Variants in UTRN observed in about 807,000 individuals in gnomAD.
The protein encoded by UTRN is utrophin.
In UTRN, 283 loss-of-function variants were observed where a neutral mutation model predicts 463.9. The observed-to-expected ratio is 0.61, with a 90% CI of 0.55 to 0.67. The LOEUF is 0.67. Ranked by LOEUF, UTRN falls within the 30% of genes least tolerant of loss-of-function variation. The pLI, the probability that UTRN is intolerant of heterozygous loss-of-function variation, is 0.00. For missense variants in UTRN, 3,922 were observed against 4,084.3 expected, an observed-to-expected ratio of 0.96 and a Z score of 1.08; for synonymous variants, 1,442 against 1,431.5, an observed-to-expected ratio of 1.01 and a Z score of -0.17.
chr6:144,565,326 T>C (rs1800305763), intron 50 of UTRN, among the ~76,000 whole-genome samples: 1 of 152,126 alleles, frequency 6.6e-6, no homozygotes. Context: ...AGTATATAGG[T>C]TAAATAGGCA....
chr6:144,527,233 CTA>C (rs1181676033), intron 41 of UTRN, among the ~76,000 whole-genome samples: 2 of 152,172 alleles, frequency 1.3e-5, no homozygotes, highest in Non-Finnish European at 2.9e-5. Context: ...TTGAAAAAGA[CTA>C]TCTTTCCTTC....
chr6:144,623,660 C>T (rs1454408638), intron 51 of UTRN, among the ~76,000 whole-genome samples: 2 of 152,158 alleles, frequency 1.3e-5, no homozygotes, highest in Admixed American at 6.5e-5. Flanking sequence ...TTGCAAGTTA[C>T]AGAGATAGAA....
intron 2 of UTRN, among the ~76,000 whole-genome samples, chr6:144,340,167 C>T (rs987671800): frequency 2.0e-5 from 3 of 152,126 alleles, no homozygotes; most frequent in African/African-American, 7.2e-5. Context: ...ACTGCGACTG[C>T]GTCTCAAGAG....
chr6:144,811,612 T>G (rs938673461), intron 65 of UTRN, among the ~76,000 whole-genome samples: 1 of 152,168 alleles, frequency 6.6e-6, no homozygotes, highest in African/African-American at 2.4e-5. Flanking sequence ...TATATTTTCA[T>G]TAGGGCTTGA....
At chr6:144,330,971 A>C (rs1314752573) in intron 2 of UTRN, 2 of 985,314 alleles carry the variant, frequency 2.0e-6, no homozygotes, top group Non-Finnish European at 2.4e-6. Flanking sequence ...CGAGAAATGG[A>C]AGTGAGATCT....
intron 53 of UTRN, among the ~76,000 whole-genome samples, chr6:144,724,708 C>G (rs1244725099): frequency 1.3e-5 from 2 of 152,110 alleles, no homozygotes; most frequent in African/African-American, 2.4e-5. Flanking sequence ...TCATGTCTAG[C>G]TTCTTTCAAT....
intron 53 of UTRN, chr6:144,706,603 T>G (rs749799042): frequency 6.6e-6 from 1 of 152,194 alleles, no homozygotes; most frequent in Non-Finnish European, 1.5e-5. Flanking sequence ...GTATTCTCAT[T>G]ATAATATTCC....
chr6:144,663,937 A>T (rs1475987242), intron 51 of UTRN, among the ~76,000 whole-genome samples: 2 of 152,328 alleles, frequency 1.3e-5, no homozygotes, highest in East Asian at 3.9e-4. Context: ...CCTACTTAGC[A>T]AATATTTGTG....
At chr6:144,656,423 TG>T (rs1454600268) in intron 51 of UTRN, among the ~76,000 whole-genome samples, 1 of 152,228 alleles carries the variant, frequency 6.6e-6, no homozygotes, top group African/African-American at 2.4e-5. Flanking sequence ...AAGTACTCTT[TG>T]TTTTGAGACA....
chr6:144,815,872 A>G (rs1779031448), intron 65 of UTRN, among the ~76,000 whole-genome samples: 1 of 152,232 alleles, frequency 6.6e-6, no homozygotes, highest in African/African-American at 2.4e-5. Flanking sequence ...TGACAGTATT[A>G]ACCATCACAA....
chr6:144,719,528 A>G (rs1969517), intron 53 of UTRN, among the ~76,000 whole-genome samples: 69,553 of 152,104 alleles, frequency 0.46, 21,105 homozygotes, highest in East Asian at 0.87. Flanking sequence ...GGTGAGCCGA[A>G]ATGGCGCCAT....
rs779835155 is a variant in UTRN, at chr6:144,502,316, T to A, written c.4764+2889T>A. On this transcript the variant is annotated intron_variant, in intron 34 of 74. Coordinates refer to ENST00000367545, the MANE Select transcript of UTRN (RefSeq NM_007124.3). ...GGATACATGTGCGGAACGTGCAGGT[T>A]TGTTACATAGGTATACACGTGCCAT... Among the ~76,000 whole-genome samples the A allele has an allele frequency of 3.9e-5, 6 of 152,216 alleles. No homozygotes were observed. In the East Asian group the frequency reaches 1.2e-3, roughly 29 times the overall value.
intron 51 of UTRN, among the ~76,000 whole-genome samples, chr6:144,593,918 T>A (rs1803375384): frequency 6.6e-6 from 1 of 152,172 alleles, no homozygotes; most frequent in Admixed American, 6.5e-5. Flanking sequence ...AAAAAGGAAT[T>A]CTAAAAAAGA....
chr6:144,791,886 A>T (rs948514932), intron 62 of UTRN, among the ~76,000 whole-genome samples: 2 of 152,168 alleles, frequency 1.3e-5, no homozygotes, highest in Non-Finnish European at 2.9e-5. Flanking sequence ...GGCATAGTTG[A>T]TCTTGCTGAA....
At chr6:144,336,286 G>C (rs139262855) in intron 2 of UTRN, among the ~76,000 whole-genome samples, 38 of 152,200 alleles carry the variant, frequency 2.5e-4, no homozygotes, top group African/African-American at 7.9e-4. Flanking sequence ...ACATCGCCAC[G>C]GGCAAGCTGA....
At chr6:144,728,645 G>A (rs1788181122) in intron 53 of UTRN, among the ~76,000 whole-genome samples, 1 of 139,306 alleles carries the variant, frequency 7.2e-6, no homozygotes, top group African/African-American at 2.7e-5. Flanking sequence ...ATTTGTGCTT[G>A]CTTCGCTGTC....
At chr6:144,822,745 A>C (rs1299043857) in intron 66 of UTRN, among the ~76,000 whole-genome samples, 2 of 151,578 alleles carry the variant, frequency 1.3e-5, no homozygotes, top group Non-Finnish European at 2.9e-5. Context: ...AACTGTGCTG[A>C]TGCCTTAGGA....
At chr6:144,679,494 T>C (rs1781994746) in intron 52 of UTRN, among the ~76,000 whole-genome samples, 1 of 152,212 alleles carries the variant, frequency 6.6e-6, no homozygotes, top group Non-Finnish European at 1.5e-5. Context: ...AATTTGACTC[T>C]GACTTCACTA....
intron 54 of UTRN, among the ~76,000 whole-genome samples, chr6:144,734,401 C>A (rs1482911330): frequency 2.0e-5 from 3 of 152,128 alleles, no homozygotes; most frequent in Admixed American, 2.0e-4. Context: ...TGGAAATAAA[C>A]CCCAACTTTT....
Sources: allele counts gnomAD v4.1 joint callset (sites outside exome capture counted in the v4.1 genomes callset), GRCh38; gene constraint gnomAD v4.1.1; transcripts MANE v1.5; gene names NCBI Gene and HGNC (gene_info 2026-07-23, HGNC 2026-07-21).